B3GNT3: variants seen among roughly 807,000 people sequenced by gnomAD.
The protein encoded by B3GNT3 is UDP-GlcNAc:betaGal beta-1,3-N-acetylglucosaminyltransferase 3, also known as N-acetyllactosaminide beta-1,3-N-acetylglucosaminyltransferase 3.
In B3GNT3, 7 loss-of-function variants were observed where a neutral mutation model predicts 11.6. The observed-to-expected ratio is 0.60, with a 90% confidence interval of 0.34 to 1.13. The LOEUF (loss-of-function observed/expected upper bound fraction) is 1.13, where lower values mean the gene tolerates loss of function less well. Among genes scored for constraint, B3GNT3 ranks in the 50% most tolerant of loss-of-function variants. B3GNT3 has a pLI of 0.03. For synonymous variants in B3GNT3, 201 were observed against 222.1 expected, an observed-to-expected ratio of 0.90 and a Z score of 0.85; for missense variants, 400 against 507.4, an observed-to-expected ratio of 0.79 and a Z score of 2.03.
At chr19:17,809,943 T>C (rs1427853052) in intron 2 of B3GNT3, among the ~76,000 whole-genome samples, 2 of 151,998 alleles carry the variant, frequency 1.3e-5, no homozygotes, top group Non-Finnish European at 2.9e-5. Context: ...CAGGCCTGGG[T>C]TCAAGTCCTC....
At chr19:17,804,175 G>A (rs1285871892) in intron 1 of B3GNT3, among the ~76,000 whole-genome samples, 5 of 150,732 alleles carry the variant, frequency 3.3e-5, no homozygotes, top group South Asian at 2.1e-4. Context: ...GGCTGTGATC[G>A]AAACATTGAT....
At position 17,808,103 on chromosome 19, in the gene B3GNT3, C is replaced by G. The variant is rs559011925; in HGVS notation, c.296C>G (p.Pro99Arg). The change falls in exon 2 of 3, where the codon CCC (proline) becomes CGC (arginine). Residue 99 changes from proline to arginine, a missense_variant. Transcript: ENST00000318683. ...CRHFPLLQDV[P>R]PSKCAQPVFL... Reference sequence around the variant, plus strand: ...CACTTTCCCCTGCTGCAGGACGTGCCCCCCTCTAAGTGCGCGCAGCCGGTC... The same window carrying G: ...CACTTTCCCCTGCTGCAGGACGTGCGCCCCTCTAAGTGCGCGCAGCCGGTC... 6.8e-6 allele frequency: 11 copies of G among 1,613,902 alleles called. No individual in the cohort carries two copies. The African/African-American group carries it at 1.2e-4, about 18-fold the overall frequency.
rs45514998 is a variant in B3GNT3 at position 17,812,163 on chromosome 19, T to G, written c.*41T>G. 0.021 allele frequency: 31,823 copies of G among 1,537,844 alleles called. 677 individuals carry two copies. The highest frequency in any genetic ancestry group is 0.079 in the East Asian group (3,508 of 44,458). ...CCCAGCCTCTGGGCTCCTGTTTCCATAGGAAGGGGCGACACCTTCCTCCCA... is the reference window on the plus strand; with the variant it reads ...CCCAGCCTCTGGGCTCCTGTTTCCAGAGGAAGGGGCGACACCTTCCTCCCA... On this transcript the variant is annotated 3_prime_UTR_variant, in exon 3 of 3. Transcript: ENST00000318683.
chr19:17,804,529 C>G (rs1400432484), intron 1 of B3GNT3, among the ~76,000 whole-genome samples: 2 of 77,200 alleles, frequency 2.6e-5, no homozygotes, highest in Admixed American at 2.9e-4. Flanking sequence ...GCCACCGTGC[C>G]CAGCTTTTTT....
Position 17,808,199 on chromosome 19 carries a change from G to A in B3GNT3, c.392G>A (p.Gly131Asp). The A allele has an allele frequency of 6.2e-7, 1 of 1,611,526 alleles. No individual in the cohort carries two copies. The highest frequency in any genetic ancestry group is 8.5e-7 in the Non-Finnish European group (1 of 1,178,274). Residue 131 changes from glycine (G) to aspartate (D), a missense_variant, in exon 2 of 3, where the codon GGC becomes GAC. By Grantham distance (94) the Gly-to-Asp change is moderately conservative (BLOSUM62 -1). Transcript: ENST00000318683. ...CGCGAGCTGCTGCGGCGCACGTGGG[G>A]CCGCGAGCGCAAGGTACGGGGTTTG... Reference protein sequence around the residue: ...VRRELLRRTWGRERKVRGLQL... With the variant: ...VRRELLRRTWDRERKVRGLQL...
intron 1 of B3GNT3, among the ~76,000 whole-genome samples, chr19:17,805,629 A>G (rs774897984): frequency 1.3e-5 from 2 of 151,988 alleles, no homozygotes; most frequent in African/African-American, 4.8e-5. Flanking sequence ...ATTTGTATCC[A>G]TCTCAGGGCC....
chr19:17,812,081 C>T lies in B3GNT3; in HGVS notation c.1078C>T (p.Gln360Ter). ...GCTGCTCATGTGGGATGCGCTGAAC[C>T]AGCCCAACCTCACCTGCGGCAATCA... Reference protein sequence around the residue: ...EMLLMWDALNQPNLTCGNQTQ... With the variant: ...EMLLMWDALN Residue 360 changes from glutamine (Q) to a stop codon, truncating the protein, a stop_gained, in exon 3 of 3, where the codon CAG (glutamine) becomes TAG (stop). Coordinates refer to ENST00000318683, the MANE Select transcript of B3GNT3 (RefSeq NM_014256.4). LOFTEE classifies it low-confidence loss of function (END_TRUNC). The T allele has an allele frequency of 1.9e-6, 3 of 1,598,440 alleles. No homozygotes were observed. The highest frequency in any genetic ancestry group is 2.5e-6 in the Non-Finnish European group (3 of 1,179,718).
At chr19:17,806,020 T>G (rs2094172592) in intron 1 of B3GNT3, among the ~76,000 whole-genome samples, 5 of 152,124 alleles carry the variant, frequency 3.3e-5, no homozygotes. Context: ...CAGGCTGGAG[T>G]GCAATGGTGT....
Position 17,808,277 on chromosome 19 carries a change from G to C in B3GNT3, c.470G>C (p.Arg157Pro). The C allele has an allele frequency of 6.2e-7, 1 of 1,613,546 alleles. No individual in the cohort carries two copies. The highest frequency in any genetic ancestry group is 8.5e-7 in the Non-Finnish European group (1 of 1,179,954). ...VGTASNPHEARKVNRLLELEA... is the reference protein window; with the variant it reads ...VGTASNPHEAPKVNRLLELEA... ...ACAGCCTCCAACCCGCACGAGGCCC[G>C]CAAGGTCAACCGGCTGCTGGAGCTG... Residue 157 changes from arginine (R) to proline (P), a missense_variant, in exon 2 of 3, where the codon CGC (arginine) becomes CCC (proline). Physicochemically the swap from Arg to Pro is moderately radical, Grantham distance 103. Coordinates refer to ENST00000318683, the MANE Select transcript of B3GNT3 (RefSeq NM_014256.4).
At chr19:17,796,977 C>G (rs1186015708) in intron 1 of B3GNT3, among the ~76,000 whole-genome samples, 2 of 152,130 alleles carry the variant, frequency 1.3e-5, no homozygotes, top group African/African-American at 4.8e-5. Flanking sequence ...CTTGATTGCT[C>G]CTCATGATGG....
At chr19:17,807,695 T>C (rs2094174931) in intron 1 of B3GNT3, 63 bp from the exon 2 acceptor site, 3 of 1,051,582 alleles carry the variant, frequency 2.9e-6, no homozygotes, top group Non-Finnish European at 4.1e-6. Context: ...CAACCAGATG[T>C]TGGGGGCCAC....
At chr19:17,799,043 G>A (rs1222425447) in intron 1 of B3GNT3, among the ~76,000 whole-genome samples, 1 of 152,164 alleles carries the variant, frequency 6.6e-6, no homozygotes, top group African/African-American at 2.4e-5. Context: ...GCCACTGCTT[G>A]GAGCTACCAC....
In B3GNT3 at chr19:17,813,181, A is replaced by G. The variant is rs1378954578; in HGVS notation, c.*1059A>G. 6.6e-6 allele frequency: 1 copy of G among 152,146 alleles called. No individual in the cohort carries two copies. Among genetic ancestry groups the G allele is most frequent in the Non-Finnish European group, 1.5e-5 (1 of 68,024 alleles). The allele number at this position is 152,146 out of a possible 1,614,324, so 9.4% of individuals were successfully genotyped here. A position where few individuals can be genotyped will look rare whatever the true frequency, so the allele number is the denominator to read the frequency against. Reference sequence around the variant, plus strand: ...TTCCAGTAGAAAATATACACTGGTAAAAACGGGGCATGGGGCCGTGGCTCA... The same window carrying G: ...TTCCAGTAGAAAATATACACTGGTAGAAACGGGGCATGGGGCCGTGGCTCA... On this transcript the variant is annotated 3_prime_UTR_variant, in exon 3 of 3. Coordinates refer to ENST00000318683, the MANE Select transcript of B3GNT3 (RefSeq NM_014256.4).
rs200364904 is a variant in B3GNT3, at chr19:17,808,850, A to AT, written c.567+485dup. Among the ~76,000 whole-genome samples the AT allele has an allele frequency of 5.0e-3, 754 of 150,662 alleles. 17 individuals carry two copies. Among genetic ancestry groups the AT allele is most frequent in the Admixed American group, 0.037 (555 of 15,100 alleles). ...TCCTTGTTTATTTTTATGTTTATTT[A>AT]TTTTTTTTTAATGGAGTCTTGCTCT... On this transcript the variant is annotated intron_variant, in intron 2 of 2. Coordinates refer to ENST00000318683, the MANE Select transcript of B3GNT3 (RefSeq NM_014256.4).
Position 17,807,900 on chromosome 19 carries a change from A to AC in B3GNT3, c.96dup (p.Thr33HisfsTer70). Reference sequence around the variant, plus strand: ...TCCTCTTCAGTCTGCTAGTGTCACCACCCACCTGCAAGGTCCAGGAGCAGC... The same window carrying AC: ...TCCTCTTCAGTCTGCTAGTGTCACCACCCCACCTGCAAGGTCCAGGAGCAGC... On this transcript the variant is annotated frameshift_variant, in exon 2 of 3. Coordinates refer to ENST00000318683, the MANE Select transcript of B3GNT3 (RefSeq NM_014256.4). LOFTEE classifies it high-confidence loss of function. 6.2e-7 allele frequency: 1 copy of AC among 1,612,872 alleles called. No individual in the cohort carries two copies. Among genetic ancestry groups the AC allele is most frequent in the Non-Finnish European group, 8.5e-7 (1 of 1,179,862 alleles).
At chr19:17,802,397 C>T (rs939983996) in intron 1 of B3GNT3, among the ~76,000 whole-genome samples, 1 of 152,160 alleles carries the variant, frequency 6.6e-6, no homozygotes. Context: ...TAGGTAGCAT[C>T]CTGTGGGAGC....
At chr19:17,799,414 G>A (rs887030588) in intron 1 of B3GNT3, among the ~76,000 whole-genome samples, 1 of 151,730 alleles carries the variant, frequency 6.6e-6, no homozygotes, top group African/African-American at 2.4e-5. Context: ...GATTACAGGC[G>A]CCCTCCACTA....
chr19:17,810,313 G>A (rs1163773120), intron 2 of B3GNT3, among the ~76,000 whole-genome samples: 1 of 151,828 alleles, frequency 6.6e-6, no homozygotes, highest in East Asian at 2.0e-4. Context: ...GGGAGGCTAA[G>A]GCAGCAGGAT....
intron 1 of B3GNT3, among the ~76,000 whole-genome samples, chr19:17,800,466 C>G (rs561462804): frequency 2.8e-4 from 42 of 152,212 alleles, no homozygotes; most frequent in Non-Finnish European, 5.6e-4. Flanking sequence ...CTTGACTGCC[C>G]CCTGGGAGTG....
Sources: gnomAD v4.1 joint callset for allele counts (sites outside exome capture counted in the v4.1 genomes callset) on GRCh38, gnomAD v4.1.1 for gene constraint, MANE v1.5 for transcripts, NCBI Gene and HGNC (gene_info 2026-07-23, HGNC 2026-07-21) for gene names.